Variants in ESRRG observed in about 807,000 individuals in gnomAD.
The protein encoded by ESRRG is estrogen related receptor gamma.
A neutral mutation model predicts 44.0 loss-of-function variants in ESRRG; 13 were observed. That is an observed-to-expected ratio of 0.30 (90% confidence interval 0.19 to 0.47). The LOEUF is 0.47. Ranked by LOEUF, ESRRG falls within the 20% of genes least tolerant of loss-of-function variation. The pLI is 1.00. For missense variants in ESRRG, 395 were observed against 580.6 expected (o/e 0.68, Z 3.29); for synonymous variants, 215 against 214.6 (o/e 1.00, Z -0.02).
At position 216,917,451 on chromosome 1, in the gene ESRRG, A is replaced by T. The variant is rs556160323; in HGVS notation, c.-14+22131T>A. Among the ~76,000 whole-genome samples, 3 of 152,294 alleles carry T rather than the reference A, an allele frequency of 2.0e-5. No homozygotes were observed. In the East Asian group the frequency reaches 5.8e-4, roughly 29 times the overall value. ...ATGTTTCTCATCCATTAAAAGGGAA[A>T]ATAATAATTCCTATTTTATAGAGAT... is the stretch of plus-strand genomic sequence containing the variant. On this transcript the variant is annotated intron_variant, in intron 2 of 7. Transcript: ENST00000359162.
chr1:217,111,120 A>C (rs1234193313), intron 1 of ESRRG, among the ~76,000 whole-genome samples: 2 of 152,224 alleles, frequency 1.3e-5, no homozygotes, highest in East Asian at 3.8e-4. Flanking sequence ...TCAGTTAAGA[A>C]ATAGAATACA....
chr1:217,111,711 A>C (rs985747165), intron 1 of ESRRG, among the ~76,000 whole-genome samples: 1 of 152,206 alleles, frequency 6.6e-6, no homozygotes, highest in Non-Finnish European at 1.5e-5. Context: ...GCTGGCTGTC[A>C]GTAAGCATTC....
intron 3 of ESRRG, among the ~76,000 whole-genome samples, chr1:216,635,169 C>G (rs1057094540): frequency 9.2e-5 from 14 of 152,104 alleles, no homozygotes; most frequent in Non-Finnish European, 1.6e-4. Flanking sequence ...ATTTGATGTT[C>G]AGGGGTCAAT....
intron 2 of ESRRG, among the ~76,000 whole-genome samples, chr1:216,878,153 T>C (rs2096386439): frequency 6.6e-6 from 1 of 152,210 alleles, no homozygotes; most frequent in South Asian, 2.1e-4. Flanking sequence ...ATTCATGTTG[T>C]TGGAATTTGC....
chr1:216,613,760 C>T (rs149927822), intron 3 of ESRRG, among the ~76,000 whole-genome samples: 1 of 152,278 alleles, frequency 6.6e-6, no homozygotes, highest in East Asian at 1.9e-4. Context: ...TCTTCTTTTT[C>T]TTCTCTTGAA....
At chr1:216,963,126 T>C (rs2069465652) in intron 1 of ESRRG, among the ~76,000 whole-genome samples, 1 of 152,188 alleles carries the variant, frequency 6.6e-6, no homozygotes, top group African/African-American at 2.4e-5. Flanking sequence ...CTTTGTACAC[T>C]ATAAGGCGCT....
At chr1:216,828,864 T>A (rs2095439969) in intron 2 of ESRRG, among the ~76,000 whole-genome samples, 1 of 152,192 alleles carries the variant, frequency 6.6e-6, no homozygotes, top group Non-Finnish European at 1.5e-5. Context: ...TCCTAGTCTG[T>A]GTGGTATTTA....
intron 2 of ESRRG, among the ~76,000 whole-genome samples, chr1:216,851,285 A>T (rs2095839146): frequency 6.6e-6 from 1 of 152,224 alleles, no homozygotes; most frequent in East Asian, 1.9e-4. Context: ...CCTGAAACCA[A>T]CAAGATGCAT....
chr1:217,053,133 T>TAAAAAAAAAAAAA (rs71303007), intron 1 of ESRRG, among the ~76,000 whole-genome samples: 65 of 119,010 alleles, frequency 5.5e-4, no homozygotes, highest in African/African-American at 1.6e-3. Context: ...AATCCCATCT[T>TAAAAAAAAAAAAA]AAAAAAAAAA....
intron 2 of ESRRG, among the ~76,000 whole-genome samples, chr1:216,801,773 T>A (rs2094629409): frequency 6.6e-6 from 1 of 152,146 alleles, no homozygotes; most frequent in Non-Finnish European, 1.5e-5. Flanking sequence ...CTTTACCCAT[T>A]CTTTTAAAAA....
intron 3 of ESRRG, among the ~76,000 whole-genome samples, chr1:216,606,807 T>C (rs993326230): frequency 2.6e-5 from 4 of 152,142 alleles, no homozygotes; most frequent in Admixed American, 1.3e-4. Flanking sequence ...GCAGCATACA[T>C]AGGTCAGGTT....
At chr1:217,011,504 T>C (rs2078607886) in intron 1 of ESRRG, among the ~76,000 whole-genome samples, 1 of 152,312 alleles carries the variant, frequency 6.6e-6, no homozygotes. Context: ...TCCCGCTTCC[T>C]CTACACATTA....
chr1:216,939,060 T>G (rs374432540), intron 2 of ESRRG, among the ~76,000 whole-genome samples: 1 of 152,126 alleles, frequency 6.6e-6, no homozygotes, highest in African/African-American at 2.4e-5. Flanking sequence ...AATTGGAATC[T>G]AATGGATACC....
At chr1:216,708,732 A>G (rs2082942436) in intron 1 of ESRRG, among the ~76,000 whole-genome samples, 1 of 152,240 alleles carries the variant, frequency 6.6e-6, no homozygotes, top group Non-Finnish European at 1.5e-5. Context: ...TCAAAGGATT[A>G]TAAATCATTC....
chr1:216,888,844 T>C (rs2057398793), intron 2 of ESRRG, among the ~76,000 whole-genome samples: 1 of 152,142 alleles, frequency 6.6e-6, no homozygotes, highest in Non-Finnish European at 1.5e-5. Flanking sequence ...ATCAGAGATA[T>C]GATCCCCAGC....
chr1:216,650,722 G>A (rs186530039), intron 3 of ESRRG, among the ~76,000 whole-genome samples: 1 of 151,892 alleles, frequency 6.6e-6, no homozygotes, highest in Admixed American at 6.6e-5. Context: ...GAAGATAAAA[G>A]CACTACGGTC....
chr1:216,514,808 T>C (rs1006488197), intron 6 of ESRRG, among the ~76,000 whole-genome samples: 1 of 152,080 alleles, frequency 6.6e-6, no homozygotes. Context: ...CAAATAAGAT[T>C]CCCTAGAAGA....
chr1:217,122,084 G>A (rs997357666), intron 1 of ESRRG, among the ~76,000 whole-genome samples: 2 of 152,228 alleles, frequency 1.3e-5, no homozygotes, highest in African/African-American at 4.8e-5. Flanking sequence ...AGATGGGCCA[G>A]ATCAATCATT....
At chr1:216,830,521 T>C (rs1184376125) in intron 2 of ESRRG, among the ~76,000 whole-genome samples, 1 of 152,090 alleles carries the variant, frequency 6.6e-6, no homozygotes, top group African/African-American at 2.4e-5. Flanking sequence ...TATGAGGAGT[T>C]ATGAGGTAAT....
Sources: allele counts gnomAD v4.1 joint callset (sites outside exome capture counted in the v4.1 genomes callset), GRCh38; gene constraint gnomAD v4.1.1; transcripts MANE v1.5; gene names NCBI Gene and HGNC (gene_info 2026-07-23, HGNC 2026-07-21).